ABI2: variants seen among roughly 807,000 people sequenced by gnomAD.
ABI2 encodes the protein abl interactor 2, also known as abelson interactor 2.
A neutral mutation model predicts 59.2 loss-of-function variants in ABI2; 25 were observed. The observed-to-expected ratio is 0.42, with a 90% CI of 0.31 to 0.59. The LOEUF is 0.59. Among genes scored for constraint, ABI2 ranks in the 20% least tolerant of loss-of-function variants. The pLI, the probability that ABI2 is intolerant of heterozygous loss-of-function variation, is 0.14. For synonymous variants in ABI2, 213 were observed against 235.5 expected, an observed-to-expected ratio of 0.90 and a Z score of 0.87; for missense variants, 545 against 681.8, an observed-to-expected ratio of 0.80 and a Z score of 2.23.
At chr2:203,390,966 A>G in intron 4 of ABI2, 80 bp from the exon 5 acceptor site, 2 of 1,054,394 alleles carry the variant, frequency 1.9e-6, no homozygotes, top group Non-Finnish European at 1.4e-6. Context: ...CTCCTTTGTT[A>G]TGTAGTGTAG....
intron 1 of ABI2, among the ~76,000 whole-genome samples, chr2:203,342,847 C>CA (rs144592112): frequency 0.038 from 5,717 of 152,168 alleles, 349 homozygotes; most frequent in African/African-American, 0.13. Flanking sequence ...TATACACACA[C>CA]ACATCTCATT....
Position 203,429,538 on chromosome 2 carries a change from C to G in ABI2, c.*2186C>G, listed in dbSNP as rs933861825. On this transcript the variant is annotated 3_prime_UTR_variant, in exon 12 of 12. Transcript: ENST00000261018. The stretch of plus-strand genomic sequence containing the variant: ...CTTTCGGAGGCCGAGGTGGGTGGAT[C>G]ATGAGGTCAATAAATTGAGACCATC... The G allele has an allele frequency of 1.3e-5, 2 of 152,072 alleles. No individual in the cohort carries two copies. Among genetic ancestry groups the G allele is most frequent in the Non-Finnish European group, 2.9e-5 (2 of 68,034 alleles). The allele number at this position is 152,072 out of a possible 1,614,324, so 9.4% of individuals were successfully genotyped here. A position where few individuals can be genotyped will look rare whatever the true frequency, so the allele number is the denominator to read the frequency against.
At position 203,366,915 on chromosome 2, in the gene ABI2, C is replaced by T; in HGVS notation, c.156C>T (p.Ala52=). The part of the protein sequence containing the change: ...DKQRALEETK[A]YTTQSLASVA... ...AGAGAGCCCTAGAAGAAACCAAAGC[C>T]TACACCACCCAATCCTTAGCAAGTG... is the stretch of plus-strand genomic sequence containing the variant. The change falls in exon 2 of 12, where the codon GCC becomes GCT. Residue 52 remains alanine (A), a synonymous_variant. Coordinates refer to ENST00000261018, the MANE Select transcript of ABI2 (RefSeq NM_001375670.1). The T allele has an allele frequency of 1.2e-6, 2 of 1,611,656 alleles. No individual in the cohort carries two copies. The highest frequency in any genetic ancestry group is 1.7e-6 in the Non-Finnish European group (2 of 1,178,660).
chr2:203,372,782 C>T (rs922590839), intron 2 of ABI2, among the ~76,000 whole-genome samples: 3 of 151,390 alleles, frequency 2.0e-5, no homozygotes, highest in African/African-American at 4.9e-5. Flanking sequence ...AGGGTCTCCT[C>T]ACTTCTCAGA....
chr2:203,379,435 C>T (rs1042630219), intron 2 of ABI2, among the ~76,000 whole-genome samples: 8 of 152,082 alleles, frequency 5.3e-5, no homozygotes, highest in African/African-American at 1.9e-4. Flanking sequence ...GACGGGGTTT[C>T]GCCATGTTGC....
At chr2:203,355,684 A>T (rs1559201402) in intron 1 of ABI2, among the ~76,000 whole-genome samples, 1 of 151,696 alleles carries the variant, frequency 6.6e-6, no homozygotes, top group African/African-American at 2.4e-5. Context: ...ATACAGAATT[A>T]GGCAGGCATG....
intron 1 of ABI2, among the ~76,000 whole-genome samples, chr2:203,352,873 CT>C (rs1181405348): frequency 1.3e-5 from 2 of 152,160 alleles, no homozygotes; most frequent in Non-Finnish European, 2.9e-5. Flanking sequence ...ATCTTTTATG[CT>C]GTGTTGTTAC....
At chr2:203,414,453 C>A (rs1291494069) in intron 10 of ABI2, among the ~76,000 whole-genome samples, 1 of 152,054 alleles carries the variant, frequency 6.6e-6, no homozygotes, top group Admixed American at 6.5e-5. Flanking sequence ...TGCCATCCTA[C>A]CCTCCCCTCT....
At chr2:203,397,382 A>C (rs2097047456) in intron 8 of ABI2, among the ~76,000 whole-genome samples, 1 of 152,220 alleles carries the variant, frequency 6.6e-6, no homozygotes, top group Non-Finnish European at 1.5e-5. Flanking sequence ...AGCCTCTGTA[A>C]GTCTATTTTT....
chr2:203,364,471 A>G (rs554715176), intron 1 of ABI2, among the ~76,000 whole-genome samples: 38 of 152,154 alleles, frequency 2.5e-4, no homozygotes, highest in Non-Finnish European at 5.3e-4. Flanking sequence ...CCACTGAACC[A>G]CCATTGCGCT....
intron 2 of ABI2, chr2:203,375,879 C>T: frequency 2.4e-6 from 1 of 418,906 alleles, no homozygotes; most frequent in East Asian, 3.6e-5. Flanking sequence ...ATTATTCAAA[C>T]TCCAAATAGA....
chr2:203,364,580 A>G (rs1435942235), intron 1 of ABI2, among the ~76,000 whole-genome samples: 4 of 152,054 alleles, frequency 2.6e-5, no homozygotes, highest in Non-Finnish European at 5.9e-5. Flanking sequence ...GCCCCAAATA[A>G]CTTTTTGACG....
intron 5 of ABI2, among the ~76,000 whole-genome samples, chr2:203,391,359 G>A (rs372974083): frequency 3.3e-5 from 5 of 152,144 alleles, no homozygotes; most frequent in African/African-American, 1.2e-4. Flanking sequence ...TTTTAAATTT[G>A]AGGTAAAATC....
At chr2:203,331,677 G>A (rs1309168168) in intron 1 of ABI2, among the ~76,000 whole-genome samples, 1 of 150,738 alleles carries the variant, frequency 6.6e-6, no homozygotes, top group African/African-American at 2.4e-5. Flanking sequence ...CCTTATTATA[G>A]CATCATGTCT....
chr2:203,378,358 A>G (rs540662950), intron 2 of ABI2, among the ~76,000 whole-genome samples: 143 of 152,076 alleles, frequency 9.4e-4, no homozygotes, highest in Admixed American at 4.2e-3. Flanking sequence ...TGATCCGCCC[A>G]CCTTGGCCTC....
At chr2:203,350,475 T>A (rs1205039019) in intron 1 of ABI2, among the ~76,000 whole-genome samples, 1 of 151,934 alleles carries the variant, frequency 6.6e-6, no homozygotes, top group African/African-American at 2.4e-5. Flanking sequence ...TTAGTCTCCC[T>A]AGTAGCTAGG....
chr2:203,403,646 T>TAC (rs34149664), intron 9 of ABI2, among the ~76,000 whole-genome samples: 1 of 12,720 alleles, frequency 7.9e-5, no homozygotes, highest in Non-Finnish European at 5.0e-4. Context: ...ATCATTTTCT[T>TAC]ATATCTTATA....
At chr2:203,382,310 A>G in intron 4 of ABI2, 104 bp downstream of exon 4, 1 of 967,984 alleles carries the variant, frequency 1.0e-6, no homozygotes, top group Middle Eastern at 2.3e-4. Flanking sequence ...AAACCCAATA[A>G]ATAATTCCTC....
intron 5 of ABI2, 148 bp from the exon 6 acceptor site, chr2:203,394,552 T>C: frequency 1.4e-6 from 1 of 701,174 alleles, no homozygotes; most frequent in Non-Finnish European, 2.4e-6. Flanking sequence ...AGTGATACAT[T>C]AGTAAAGACT....
Sources: gnomAD v4.1 joint callset for allele counts (sites outside exome capture counted in the v4.1 genomes callset) on GRCh38, gnomAD v4.1.1 for gene constraint, MANE v1.5 for transcripts, NCBI Gene and HGNC (gene_info 2026-07-23, HGNC 2026-07-21) for gene names.